The following SNTG1 variants were observed in gnomAD, a reference collection of about 807,000 sequenced individuals.
The protein encoded by SNTG1 is gamma-1-syntrophin.
In SNTG1, 39 loss-of-function variants were observed where a neutral mutation model predicts 74.7. The observed-to-expected ratio is 0.52, with a 90% CI of 0.40 to 0.68. The LOEUF is 0.68. SNTG1 is among the 30% of genes least tolerant of loss of function. The pLI, the probability that SNTG1 is intolerant of heterozygous loss-of-function variation, is 0.00. For synonymous variants in SNTG1, 254 were observed against 217.1 expected, an observed-to-expected ratio of 1.17 and a Z score of -1.49; for missense variants, 685 against 609.5, an observed-to-expected ratio of 1.12 and a Z score of -1.30.
chr8:50,230,095 G>A (rs1235944651), intron 2 of SNTG1, among the ~76,000 whole-genome samples: 3 of 151,544 alleles, frequency 2.0e-5, no homozygotes, highest in African/African-American at 4.8e-5. Flanking sequence ...TCTAGAGGGT[G>A]ATTTACAGCA....
intron 8 of SNTG1, among the ~76,000 whole-genome samples, chr8:50,469,141 T>C (rs754756595): frequency 7.2e-5 from 11 of 152,194 alleles, no homozygotes; most frequent in African/African-American, 1.7e-4. Flanking sequence ...CTAATCCCTG[T>C]AGGAATTCCT....
At chr8:50,414,554 G>C (rs545832960) in intron 4 of SNTG1, among the ~76,000 whole-genome samples, 1 of 152,076 alleles carries the variant, frequency 6.6e-6, no homozygotes, top group South Asian at 2.1e-4. Flanking sequence ...TCTTACCTGT[G>C]AATCTTTATA....
chr8:50,330,235 T>A (rs2090911042), intron 2 of SNTG1, among the ~76,000 whole-genome samples: 1 of 152,138 alleles, frequency 6.6e-6, no homozygotes. Context: ...CCCTTTTGCT[T>A]GGCACTTCTC....
chr8:50,370,676 C>T (rs1157656170), intron 2 of SNTG1, among the ~76,000 whole-genome samples: 1 of 152,098 alleles, frequency 6.6e-6, no homozygotes, highest in Non-Finnish European at 1.5e-5. Context: ...AATGCCATTT[C>T]TCTCCAGAGC....
chr8:50,028,211 A>C (rs886370610), intron 1 of SNTG1, among the ~76,000 whole-genome samples: 1 of 152,202 alleles, frequency 6.6e-6, no homozygotes, highest in Non-Finnish European at 1.5e-5. Flanking sequence ...GGAATCATAC[A>C]GAATGTGACT....
At chr8:50,124,490 T>C (rs1420216083) in intron 1 of SNTG1, among the ~76,000 whole-genome samples, 1 of 142,614 alleles carries the variant, frequency 7.0e-6, no homozygotes, top group African/African-American at 2.5e-5. Context: ...ATTTGTCTGA[T>C]ACTTCTAAAT....
At chr8:49,972,973 A>G (rs1250242728) in intron 1 of SNTG1, among the ~76,000 whole-genome samples, 4 of 152,210 alleles carry the variant, frequency 2.6e-5, no homozygotes, top group Admixed American at 6.5e-5. Flanking sequence ...TCAGGGATCT[A>G]GAACTAGAAA....
Position 50,206,363 on chromosome 8 carries a change from T to C in SNTG1, c.-28+33728T>C, listed in dbSNP as rs149843384. On this transcript the variant is annotated intron_variant, in intron 2 of 18. Coordinates refer to ENST00000642720, the MANE Select transcript of SNTG1 (RefSeq NM_018967.5). ...TGGGAGTTCACTCTTTATTTGGCTC[T>C]CTGTTTGTCTGTTATTGGTGTGTAA... Among the ~76,000 whole-genome samples, 495 of 152,314 alleles carry C rather than the reference T, an allele frequency of 3.2e-3. 2 individuals carry two copies. The highest frequency in any genetic ancestry group is 6.8e-3 in the Middle Eastern group (2 of 294).
chr8:50,625,812 A>G (rs535542031), intron 13 of SNTG1, among the ~76,000 whole-genome samples: 1 of 152,240 alleles, frequency 6.6e-6, no homozygotes, highest in Non-Finnish European at 1.5e-5. Flanking sequence ...AATTTGTCAT[A>G]AAATTCTTAA....
At chr8:50,693,090 A>T (rs955132411) in intron 15 of SNTG1, among the ~76,000 whole-genome samples, 50 of 152,096 alleles carry the variant, frequency 3.3e-4, no homozygotes, top group Admixed American at 9.8e-4. Flanking sequence ...CCCTTTTTTT[A>T]AGCCCATTGG....
intron 2 of SNTG1, among the ~76,000 whole-genome samples, chr8:50,335,087 G>A (rs2091096738): frequency 6.6e-6 from 1 of 152,208 alleles, no homozygotes. Context: ...GATATATTAA[G>A]TGTTCAAACA....
rs188525159 is a variant in SNTG1 at position 50,170,311 on chromosome 8, A to G, written c.-102-2250A>G. Among the ~76,000 whole-genome samples, 1,292 of 152,336 alleles carry G rather than the reference A, an allele frequency of 8.5e-3. 14 individuals carry two copies. Among genetic ancestry groups the G allele is most frequent in the Admixed American group, 0.018 (279 of 15,296 alleles). The stretch of plus-strand genomic sequence containing the variant: ...AAATAAAACCCACAAATACATCTAT[A>G]TAAAATAAATAAATGGAGAAAATCA... On this transcript the variant is annotated intron_variant, in intron 1 of 18. Coordinates refer to ENST00000642720, the MANE Select transcript of SNTG1 (RefSeq NM_018967.5).
At chr8:50,482,850 TGG>T (rs889070335) in intron 8 of SNTG1, among the ~76,000 whole-genome samples, 1 of 152,192 alleles carries the variant, frequency 6.6e-6, no homozygotes, top group Non-Finnish European at 1.5e-5. Context: ...GTATTTAGTT[TGG>T]AGGAGAGTTG....
At chr8:50,727,404 A>G (rs2095502762) in intron 17 of SNTG1, among the ~76,000 whole-genome samples, 1 of 152,142 alleles carries the variant, frequency 6.6e-6, no homozygotes, top group Non-Finnish European at 1.5e-5. Context: ...CTTTCAACAG[A>G]TGATATTTCT....
intron 1 of SNTG1, among the ~76,000 whole-genome samples, chr8:50,150,327 T>A (rs1284616740): frequency 6.6e-6 from 1 of 152,196 alleles, no homozygotes; most frequent in East Asian, 1.9e-4. Context: ...TATACAATCA[T>A]GTCATCTGCA....
At chr8:50,276,164 G>A (rs1236573852) in intron 2 of SNTG1, among the ~76,000 whole-genome samples, 1 of 152,054 alleles carries the variant, frequency 6.6e-6, no homozygotes, top group Non-Finnish European at 1.5e-5. Context: ...ATTTGCCACA[G>A]TACAGGCCCA....
chr8:50,693,494 A>C (rs1354795296), intron 15 of SNTG1, among the ~76,000 whole-genome samples: 1 of 152,204 alleles, frequency 6.6e-6, no homozygotes, highest in Non-Finnish European at 1.5e-5. Context: ...ATATTAAAGG[A>C]CCTGAAAAGA....
chr8:50,199,625 C>T (rs2083910884), intron 2 of SNTG1, among the ~76,000 whole-genome samples: 1 of 152,130 alleles, frequency 6.6e-6, no homozygotes. Flanking sequence ...CAAGCAGACC[C>T]TCCTTGTGAG....
At chr8:50,400,930 A>C (rs2092796055) in intron 3 of SNTG1, among the ~76,000 whole-genome samples, 1 of 152,152 alleles carries the variant, frequency 6.6e-6, no homozygotes, top group African/African-American at 2.4e-5. Flanking sequence ...TATGTCACAA[A>C]TAGCTGGAAG....
Sources: allele counts gnomAD v4.1 joint callset (sites outside exome capture counted in the v4.1 genomes callset), GRCh38; gene constraint gnomAD v4.1.1; transcripts MANE v1.5; gene names NCBI Gene and HGNC (gene_info 2026-07-23, HGNC 2026-07-21).